The following CDCP1 variants were observed in gnomAD, a reference collection of about 807,000 sequenced individuals.
The protein encoded by CDCP1 is CUB domain-containing protein 1.
A neutral mutation model predicts 60.2 loss-of-function variants in CDCP1; 29 were observed. The observed-to-expected ratio is 0.48, with a 90% CI of 0.36 to 0.66. CDCP1 has a LOEUF of 0.66. Ranked by LOEUF, CDCP1 falls within the 30% of genes least tolerant of loss-of-function variation. The pLI is 0.00. For synonymous variants in CDCP1, 387 were observed against 431.1 expected (o/e 0.90, Z 1.27); for missense variants, 876 against 1,074.3 (o/e 0.82, Z 2.58).
At chr3:45,129,192 G>A (rs995375299) in intron 1 of CDCP1, among the ~76,000 whole-genome samples, 1 of 152,184 alleles carries the variant, frequency 6.6e-6, no homozygotes, top group East Asian at 1.9e-4. Context: ...CATGCCATAT[G>A]AGAGAGGTGG....
chr3:45,146,383 C>T (rs1699392961), upstream of CDCP1: 5 of 1,090,390 alleles, frequency 4.6e-6, no homozygotes, highest in South Asian at 9.3e-5. Flanking sequence ...CGCCCTGGCT[C>T]ACTCACCTGC....
chr3:45,114,682 G>C (rs904293077), intron 2 of CDCP1, among the ~76,000 whole-genome samples: 3 of 152,236 alleles, frequency 2.0e-5, no homozygotes, highest in African/African-American at 7.2e-5. Flanking sequence ...CAGAGTGCTG[G>C]GATTACAGGC....
At chr3:45,134,103 C>T (rs1430312077) in intron 1 of CDCP1, among the ~76,000 whole-genome samples, 1 of 151,776 alleles carries the variant, frequency 6.6e-6, no homozygotes, top group East Asian at 1.9e-4. Context: ...CCCCACTGAG[C>T]AAGGGGAGAA....
chr3:45,114,800 T>C (rs950833526), intron 2 of CDCP1, among the ~76,000 whole-genome samples: 1 of 152,208 alleles, frequency 6.6e-6, no homozygotes, highest in Non-Finnish European at 1.5e-5. Context: ...AGAATGATTG[T>C]TCAGAAAAGG....
chr3:45,108,577 C>T (rs2125995853), intron 4 of CDCP1, among the ~76,000 whole-genome samples: 1 of 151,666 alleles, frequency 6.6e-6, no homozygotes, highest in East Asian at 1.9e-4. Flanking sequence ...AACCCCAAGC[C>T]CACTCCATTT....
At chr3:45,088,020 T>TA (rs11423025) in intron 8 of CDCP1, among the ~76,000 whole-genome samples, 43,164 of 149,170 alleles carry the variant, frequency 0.29, 7,031 homozygotes, top group East Asian at 0.75. Context: ...GACTCTGTCT[T>TA]AAAAAAAAAA....
At chr3:45,130,287 A>C (rs1699067045) in intron 1 of CDCP1, among the ~76,000 whole-genome samples, 1 of 151,904 alleles carries the variant, frequency 6.6e-6, no homozygotes, top group South Asian at 2.1e-4. Flanking sequence ...ACACCTGACT[A>C]ATTTTTTAAT....
Position 45,093,616 on chromosome 3 carries a change from G to T in CDCP1, c.1288C>A (p.Leu430Ile). Residue 430 changes from leucine (L) to isoleucine (I), a missense_variant, in exon 6 of 9, where the codon CTC (leucine) becomes ATC (isoleucine). This residue lies in a region of CDCP1 where 726 missense variants were observed against 935.7 expected (regional missense o/e 0.78). Transcript: ENST00000296129. ...HRYCQRKSYS[L>I]QVPSDILHLP... Reference sequence around the variant, plus strand: ...TGGAGGATGTCACTGGGCACCTGGAGTGAGTAGGATTTCCTTTGGCAGTAC... The same window carrying T: ...TGGAGGATGTCACTGGGCACCTGGATTGAGTAGGATTTCCTTTGGCAGTAC... The T allele has an allele frequency of 1.2e-6, 2 of 1,614,156 alleles. No individual in the cohort carries two copies. The highest frequency in any genetic ancestry group is 1.7e-6 in the Non-Finnish European group (2 of 1,180,020).
intron 1 of CDCP1, among the ~76,000 whole-genome samples, chr3:45,143,224 G>A (rs1055205766): frequency 2.6e-5 from 4 of 152,118 alleles, no homozygotes; most frequent in African/African-American, 9.7e-5. Context: ...AAAAAAGAGT[G>A]TGCAGAACAA....
Position 45,146,314 on chromosome 3 carries a change from G to T in CDCP1, c.-27C>A. 6.5e-7 allele frequency: 1 copy of T among 1,542,520 alleles called. No homozygotes were observed. Among genetic ancestry groups the T allele is most frequent in the East Asian group, 2.7e-5 (1 of 36,776 alleles). On this transcript the variant is annotated 5_prime_UTR_variant, in exon 1 of 9. Transcript: ENST00000296129. ...ACTCCGGGACGCCTCGGCCTCGGTG[G>T]GGAAAACGACGGTGGGGAGCGGCGG...
Position 45,091,139 on chromosome 3 carries a change from C to T in CDCP1, c.1993+34G>A, listed in dbSNP as rs756988133. 5.7e-6 allele frequency: 9 copies of T among 1,576,568 alleles called. No individual in the cohort carries two copies. The highest frequency in any genetic ancestry group is 5.4e-5 in the Admixed American group (3 of 55,778). On this transcript the variant is annotated intron_variant, in intron 7 of 8. Transcript: ENST00000296129. The surrounding 1 kb of genome is among the most constrained non-coding windows in gnomAD (Gnocchi z 4.8). ...ATCCTCCAGCTGACAATTTTTTGTT[C>T]ATCACTGTCCCCAAAGACCCTGAAG...
At chr3:45,134,630 G>T (rs372958317) in intron 1 of CDCP1, among the ~76,000 whole-genome samples, 18 of 152,290 alleles carry the variant, frequency 1.2e-4, no homozygotes, top group African/African-American at 3.6e-4. Context: ...TAAAGTGGGG[G>T]ACGGGAGAGC....
At chr3:45,120,917 CACCACTT>C (rs1698871058) in intron 1 of CDCP1, among the ~76,000 whole-genome samples, 1 of 368 alleles carries the variant, frequency 2.7e-3, no homozygotes, top group African/African-American at 4.0e-3. Context: ...CCCCTCCCCC[CACCACTT>C]CAGTCCTCCT....
chr3:45,129,083 A>G lies in CDCP1; in HGVS notation c.83-10462T>C, dbSNP rs1482498505. 2.0e-5 allele frequency among the ~76,000 whole-genome samples: 3 copies of G among 152,382 alleles called. No homozygotes were observed. In the East Asian group the frequency reaches 5.8e-4, roughly 29 times the overall value. ...GCAATGCTAGCAGTTCACTGTCTGC[A>G]GTGCTTATGCTTTGAATCATTTTTC... On this transcript the variant is annotated intron_variant, in intron 1 of 8. Transcript: ENST00000296129.
chr3:45,138,832 C>G (rs916155640), intron 1 of CDCP1, among the ~76,000 whole-genome samples: 1 of 151,134 alleles, frequency 6.6e-6, no homozygotes, highest in Non-Finnish European at 1.5e-5. Flanking sequence ...GGCAACAGAG[C>G]GAAAACTCCA....
At chr3:45,098,559 AGATGTG>A (rs1443187881) in intron 4 of CDCP1, among the ~76,000 whole-genome samples, 1 of 151,994 alleles carries the variant, frequency 6.6e-6, no homozygotes, top group Non-Finnish European at 1.5e-5. Flanking sequence ...CCACTCAGGA[AGATGTG>A]GATTTCTCCT....
chr3:45,090,504 A>G (rs1698276193), intron 7 of CDCP1, among the ~76,000 whole-genome samples: 1 of 152,214 alleles, frequency 6.6e-6, no homozygotes, highest in Non-Finnish European at 1.5e-5. Context: ...TTAATTCATG[A>G]CACCGAATCC....
Position 45,093,305 on chromosome 3 carries a change from C to T in CDCP1, c.1599G>A (p.Leu533=). ...TGAAATAAGGTATAAAGGACACCGT[C>T]AGACCCTGCCTGGAGGCCTCTTGTT... ...SFQQEASRQG[L]TVSFIPYFKE... The change falls in exon 6 of 9, where the codon CTG becomes CTA. Residue 533 remains leucine, a synonymous_variant. Transcript: ENST00000296129. 1 of 1,614,200 alleles carries T rather than the reference C, an allele frequency of 6.2e-7. No individual in the cohort carries two copies. Among genetic ancestry groups the T allele is most frequent in the Non-Finnish European group, 8.5e-7 (1 of 1,180,028 alleles).
intron 2 of CDCP1, among the ~76,000 whole-genome samples, chr3:45,113,979 C>T (rs1266924225): frequency 6.6e-6 from 1 of 152,216 alleles, no homozygotes; most frequent in Non-Finnish European, 1.5e-5. Flanking sequence ...AGGTTCTGTA[C>T]TCTTGTGGAA....
Sources: allele counts gnomAD v4.1 joint callset (sites outside exome capture counted in the v4.1 genomes callset), GRCh38; gene constraint gnomAD v4.1.1; regional missense constraint gnomAD v4.1.1; non-coding constraint Gnocchi (gnomAD v3.1); transcripts MANE v1.5; gene names NCBI Gene and HGNC (gene_info 2026-07-23, HGNC 2026-07-21).